The following CSMD1 variants were observed in gnomAD, a reference collection of about 807,000 sequenced individuals.
CSMD1 encodes the protein CUB and Sushi multiple domains 1.
In CSMD1, 213 loss-of-function variants were observed where a neutral mutation model predicts 417.5. That is an observed-to-expected ratio of 0.51 (90% CI 0.46 to 0.57). CSMD1 has a LOEUF of 0.57. CSMD1 is among the 20% of genes least tolerant of loss of function. The pLI is 0.00. For missense variants in CSMD1, 6,923 were observed against 4,529.7 expected, an observed-to-expected ratio of 1.53 and a Z score of -15.17; for synonymous variants, 2,862 against 1,736.8, an observed-to-expected ratio of 1.65 and a Z score of -16.11.
At chr8:4,730,724 G>A (rs1462274124) in intron 1 of CSMD1, among the ~76,000 whole-genome samples, 1 of 151,474 alleles carries the variant, frequency 6.6e-6, no homozygotes, top group African/African-American at 2.4e-5. Context: ...CTGGGCGACA[G>A]AGCGAGACTC....
chr8:3,044,600 T>A (rs1811315021), intron 50 of CSMD1, among the ~76,000 whole-genome samples: 1 of 151,992 alleles, frequency 6.6e-6, no homozygotes, highest in South Asian at 2.1e-4. Flanking sequence ...GTGTCTTCGA[T>A]GATCCAAATC....
chr8:4,391,634 A>G (rs1327469849), intron 3 of CSMD1, among the ~76,000 whole-genome samples: 3 of 151,884 alleles, frequency 2.0e-5, no homozygotes, highest in African/African-American at 7.3e-5. Context: ...AGTGAAATAC[A>G]CTGCTGGGTT....
At chr8:4,591,551 G>A (rs904193295) in intron 2 of CSMD1, among the ~76,000 whole-genome samples, 1 of 152,166 alleles carries the variant, frequency 6.6e-6, no homozygotes, top group Non-Finnish European at 1.5e-5. Flanking sequence ...ACACAGAGAG[G>A]ACTGTAGTGC....
At chr8:3,956,691 G>A (rs1364470421) in intron 5 of CSMD1, among the ~76,000 whole-genome samples, 3 of 152,134 alleles carry the variant, frequency 2.0e-5, no homozygotes, top group Non-Finnish European at 2.9e-5. Context: ...CGATGTGGCA[G>A]AACCTATATT....
At chr8:4,477,241 G>C (rs1351782708) in intron 2 of CSMD1, among the ~76,000 whole-genome samples, 2 of 152,214 alleles carry the variant, frequency 1.3e-5, no homozygotes, top group Non-Finnish European at 2.9e-5. Context: ...GAGCTACCTA[G>C]GGCTAGAGCC....
At position 3,520,039 on chromosome 8, in the gene CSMD1, T is replaced by TATATACACAC. The variant is rs545212684; in HGVS notation, c.1345-26314_1345-26313insGTGTGTATAT. On this transcript the variant is annotated intron_variant, in intron 10 of 69. Coordinates refer to ENST00000635120, the MANE Select transcript of CSMD1 (RefSeq NM_033225.6). Reference sequence around the variant, plus strand: ...ATATACCTATATATATATATATATATACACGTATAGTTGTGAAACTTGCTC... The same window carrying TATATACACAC: ...ATATACCTATATATATATATATATATATATACACACACACGTATAGTTGTGAAACTTGCTC... Among the ~76,000 whole-genome samples the TATATACACAC allele has an allele frequency of 6.5e-3, 963 of 147,166 alleles. 21 individuals carry two copies. In the South Asian group the frequency reaches 0.066, roughly 10 times the overall value.
chr8:4,245,973 G>A (rs1394010106), intron 3 of CSMD1, among the ~76,000 whole-genome samples: 2 of 152,104 alleles, frequency 1.3e-5, no homozygotes, highest in Non-Finnish European at 2.9e-5. Flanking sequence ...TCAGGGCCGT[G>A]GACAGGGATG....
Position 3,672,643 on chromosome 8 carries a change from A to G in CSMD1, c.1009+35771T>C, listed in dbSNP as rs931350259. 4.4e-4 allele frequency among the ~76,000 whole-genome samples: 67 copies of G among 152,184 alleles called. 1 individual carries two copies. The highest frequency in any genetic ancestry group is 4.1e-3 in the Admixed American group (63 of 15,266). ...GGTATTTACTTTTTCATCCGGTCAGAGTATGACATGGTGCAGTGTCACTGG... is the reference window on the plus strand; with the variant it reads ...GGTATTTACTTTTTCATCCGGTCAGGGTATGACATGGTGCAGTGTCACTGG... On this transcript the variant is annotated intron_variant, in intron 7 of 69. Coordinates refer to ENST00000635120, the MANE Select transcript of CSMD1 (RefSeq NM_033225.6).
chr8:4,027,672 T>A (rs1040801767), intron 4 of CSMD1, among the ~76,000 whole-genome samples: 1 of 152,162 alleles, frequency 6.6e-6, no homozygotes. Flanking sequence ...AGTAGCATGA[T>A]AACGGACTAA....
intron 1 of CSMD1, among the ~76,000 whole-genome samples, chr8:4,678,652 T>C (rs551508936): frequency 6.6e-6 from 1 of 152,304 alleles, no homozygotes; most frequent in South Asian, 2.1e-4. Flanking sequence ...TATTTATTTA[T>C]CAGGGAAATG....
Position 3,931,980 on chromosome 8 carries a change from T to C in CSMD1, c.818+65923A>G, listed in dbSNP as rs114100048. Reference sequence around the variant, plus strand: ...GACTTTTTAAAAAATTAAAATAGTATTGATTTAGATGTAGAAATGGGGGAA... The same window carrying C: ...GACTTTTTAAAAAATTAAAATAGTACTGATTTAGATGTAGAAATGGGGGAA... On this transcript the variant is annotated intron_variant, in intron 5 of 69. Transcript: ENST00000635120. Among the ~76,000 whole-genome samples, 976 of 149,842 alleles carry C rather than the reference T, an allele frequency of 6.5e-3. 67 individuals are homozygous for C. The highest frequency in any genetic ancestry group is 0.023 in the African/African-American group (940 of 40,606).
intron 4 of CSMD1, among the ~76,000 whole-genome samples, chr8:4,012,930 A>T (rs1796345306): frequency 6.6e-6 from 1 of 151,974 alleles, no homozygotes; most frequent in African/African-American, 2.4e-5. Flanking sequence ...TTTAAACAGC[A>T]TTCTGAGTCC....
At chr8:3,895,898 T>C (rs959449395) in intron 5 of CSMD1, among the ~76,000 whole-genome samples, 1 of 152,218 alleles carries the variant, frequency 6.6e-6, no homozygotes, top group African/African-American at 2.4e-5. Context: ...CCTGAAACTC[T>C]GTATGCACAC....
chr8:2,958,064 C>T (rs1408111693), intron 62 of CSMD1, among the ~76,000 whole-genome samples: 1 of 152,076 alleles, frequency 6.6e-6, no homozygotes, highest in Non-Finnish European at 1.5e-5. Flanking sequence ...GAAATTATGC[C>T]TTTTCTGTTT....
At chr8:3,107,608 G>T in intron 45 of CSMD1, 110 bp downstream of exon 45, 1 of 681,242 alleles carries the variant, frequency 1.5e-6, no homozygotes, top group Non-Finnish European at 2.5e-6. Flanking sequence ...TTCTGTTTTT[G>T]TTTCTCTGAC....
At chr8:3,395,248 G>A (rs760338617) in intron 17 of CSMD1, among the ~76,000 whole-genome samples, 2 of 152,144 alleles carry the variant, frequency 1.3e-5, no homozygotes, top group Non-Finnish European at 2.9e-5. Context: ...AAAAAGAACA[G>A]CCATAAAACT....
At chr8:3,835,137 A>C (rs1404903483) in intron 5 of CSMD1, among the ~76,000 whole-genome samples, 1 of 147,332 alleles carries the variant, frequency 6.8e-6, no homozygotes, top group African/African-American at 2.6e-5. Context: ...AAACTAGTCC[A>C]ACCATTGTGG....
rs139286634 is a variant in CSMD1, at chr8:4,654,549, G to C, written c.86-16991C>G. 3.2e-4 allele frequency among the ~76,000 whole-genome samples: 49 copies of C among 152,232 alleles called. 1 individual carries two copies. The East Asian group carries it at 8.3e-3, about 26-fold the overall frequency. ...TTGCTGAGAGGCACAGTGGAGTTTA[G>C]AGGGGGAGGAATGGAGGGATGTTGG... On this transcript the variant is annotated intron_variant, in intron 1 of 69. Transcript: ENST00000635120.
chr8:4,217,391 A>G (rs747199257), intron 3 of CSMD1, among the ~76,000 whole-genome samples: 1 of 152,184 alleles, frequency 6.6e-6, no homozygotes, highest in Non-Finnish European at 1.5e-5. Context: ...ATTTCATGAA[A>G]TATAACTCTA....
Sources: gnomAD v4.1 joint callset for allele counts (sites outside exome capture counted in the v4.1 genomes callset) on GRCh38, gnomAD v4.1.1 for gene constraint, MANE v1.5 for transcripts, NCBI Gene and HGNC (gene_info 2026-07-23, HGNC 2026-07-21) for gene names.